The following PKHD1L1 variants were observed in gnomAD, a reference collection of about 807,000 sequenced individuals.
PKHD1L1 encodes PKHD1 like 1, also known as fibrocystin-L.
PKHD1L1 carries 434 observed loss-of-function variants against 462.9 expected under a neutral mutation model. The observed-to-expected ratio is 0.94, with a 90% confidence interval of 0.87 to 1.02. The LOEUF (loss-of-function observed/expected upper bound fraction) is 1.02, where lower values mean the gene tolerates loss of function less well. Among genes scored for constraint, PKHD1L1 ranks in the 50% least tolerant of loss-of-function variants. The pLI, the probability that PKHD1L1 is intolerant of heterozygous loss-of-function variation, is 0.00. For synonymous variants in PKHD1L1, 1,781 were observed against 1,750.0 expected, an observed-to-expected ratio of 1.02 and a Z score of -0.44; for missense variants, 5,202 against 5,096.1, an observed-to-expected ratio of 1.02 and a Z score of -0.63.
chr8:109,411,543 T>G (rs1813856650), intron 19 of PKHD1L1, among the ~76,000 whole-genome samples: 1 of 152,120 alleles, frequency 6.6e-6, no homozygotes, highest in African/African-American at 2.4e-5. Context: ...TACATGTAAT[T>G]TACCTCCTAC....
rs1314492939 is a variant in PKHD1L1, at chr8:109,456,285, A to G, written c.6898A>G (p.Thr2300Ala). 3 of 1,612,768 alleles carry G rather than the reference A, an allele frequency of 1.9e-6. No homozygotes were observed. Among genetic ancestry groups the G allele is most frequent in the Non-Finnish European group, 2.5e-6 (3 of 1,179,302 alleles). Residue 2300 changes from threonine to alanine, a missense_variant, in exon 46 of 78, where the codon ACT becomes GCT. Transcript: ENST00000378402. Reference sequence around the variant, plus strand: ...AGGTGTGCCTGTTCCTGTGACCTGGACTCGCTTGGCTCATACTGCAAAGGC... The same window carrying G: ...AGGTGTGCCTGTTCCTGTGACCTGGGCTCGCTTGGCTCATACTGCAAAGGC... ...LHGVPVPVTW[T>A]RLAHTAKAGE... is the part of the protein sequence containing the mutation.
chr8:109,491,342 C>T (rs1482566287), intron 61 of PKHD1L1, among the ~76,000 whole-genome samples: 4 of 151,726 alleles, frequency 2.6e-5, no homozygotes, highest in Admixed American at 2.0e-4. Context: ...TTTAATTGTA[C>T]TTAATATACA....
chr8:109,459,580 T>G lies in PKHD1L1; in HGVS notation c.7005-15T>G. ...TTATATTAATTTTAAAATTTTTTTG[T>G]CAAAATTTTTACAGACACAGTCAAG... On this transcript the variant is annotated splice_polypyrimidine_tract_variant and intron_variant, in intron 46 of 77. Transcript: ENST00000378402. 1 of 1,485,954 alleles carries G rather than the reference T, an allele frequency of 6.7e-7. No homozygotes were observed. The highest frequency in any genetic ancestry group is 9.0e-7 in the Non-Finnish European group (1 of 1,116,906). 92.0% of individuals were successfully genotyped at this position (1,485,954 alleles called of 1,614,324 possible).
At chr8:109,502,662 C>T (rs1005690352) in intron 67 of PKHD1L1, among the ~76,000 whole-genome samples, 1 of 152,170 alleles carries the variant, frequency 6.6e-6, no homozygotes, top group African/African-American at 2.4e-5. Context: ...ACCATAGTTT[C>T]CTTTTCTTTC....
rs1007108893 is a variant in PKHD1L1 at position 109,497,199 on chromosome 8, T to C, written c.10526T>C (p.Met3509Thr). ...IYNVTLVDNG[M>T]AIFPMIYMPA... Reference sequence around the variant, plus strand: ...AATGTGACCCTGGTTGACAATGGAATGGCCATTTTTCCAATGATTTACATG... The same window carrying C: ...AATGTGACCCTGGTTGACAATGGAACGGCCATTTTTCCAATGATTTACATG... The change falls in exon 65 of 78, where the codon ATG becomes ACG. Residue 3509 changes from methionine (M) to threonine (T), a missense_variant. Physicochemically the swap from Met to Thr is moderately conservative, Grantham distance 81. Transcript: ENST00000378402. The C allele has an allele frequency of 5.6e-6, 9 of 1,613,718 alleles. No individual in the cohort carries two copies. Among genetic ancestry groups the C allele is most frequent in the Non-Finnish European group, 6.8e-6 (8 of 1,179,694 alleles).
chr8:109,487,888 GAGAGGAAGGAAGGA>G (rs1165441678), intron 59 of PKHD1L1, among the ~76,000 whole-genome samples: 9 of 140,474 alleles, frequency 6.4e-5, no homozygotes, highest in African/African-American at 2.2e-4. Flanking sequence ...GAGAGAGAGA[GAGAGGAAGGAAGGA>G]AGGAAGGAAG....
intron 67 of PKHD1L1, 23 bp from the exon 68 acceptor site, chr8:109,504,304 C>T (rs72687049): frequency 0.052 from 68,851 of 1,314,542 alleles, 2,050 homozygotes; most frequent in Middle Eastern, 0.078. Context: ...AAAATAATCA[C>T]TTATCTATTA....
At chr8:109,456,558 G>T (rs1442088611) in intron 46 of PKHD1L1, among the ~76,000 whole-genome samples, 167 bp downstream of exon 46, 3 of 152,084 alleles carry the variant, frequency 2.0e-5, no homozygotes, top group African/African-American at 7.2e-5. Flanking sequence ...ACATTAGGTT[G>T]ATCACATTTG....
At chr8:109,414,356 A>G (rs1814016726) in intron 21 of PKHD1L1, among the ~76,000 whole-genome samples, 2 of 152,206 alleles carry the variant, frequency 1.3e-5, no homozygotes, top group Admixed American at 6.5e-5. Context: ...ACACATGTAT[A>G]CAGTCACGTA....
intron 44 of PKHD1L1, 92 bp from the exon 45 acceptor site, chr8:109,454,631 A>T: frequency 6.7e-7 from 1 of 1,500,088 alleles, no homozygotes; most frequent in Non-Finnish European, 9.0e-7. Flanking sequence ...CTCAAAAGAG[A>T]AGAGAGGATA....
intron 11 of PKHD1L1, 70 bp downstream of exon 11, chr8:109,396,207 T>C: frequency 9.4e-7 from 1 of 1,067,506 alleles, no homozygotes; most frequent in African/African-American, 1.6e-5. Context: ...TAATTTGTAA[T>C]AATAATAATA....
intron 56 of PKHD1L1, among the ~76,000 whole-genome samples, 180 bp from the exon 57 acceptor site, chr8:109,482,807 G>C (rs1818335645): frequency 6.6e-6 from 1 of 151,580 alleles, no homozygotes. Flanking sequence ...CAGATTTCCG[G>C]AAGTGGGTTA....
intron 23 of PKHD1L1, among the ~76,000 whole-genome samples, chr8:109,424,357 T>G (rs1814628806): frequency 6.6e-6 from 1 of 152,200 alleles, no homozygotes. Context: ...GAACAACTTT[T>G]GCATTATTTC....
chr8:109,370,875 A>C (rs1167693147), intron 2 of PKHD1L1, among the ~76,000 whole-genome samples: 1 of 152,192 alleles, frequency 6.6e-6, no homozygotes, highest in Non-Finnish European at 1.5e-5. Context: ...TCCATGGTGT[A>C]TATGTGCCAC....
At position 109,364,654 on chromosome 8, in the gene PKHD1L1, T is replaced by TTC. The variant is rs1203912081; in HGVS notation, c.163+19_163+20insCT. On this transcript the variant is annotated intron_variant, in intron 2 of 77. Transcript: ENST00000378402. ...AGGGGAAGGTATCGTTGCTTTTTTT[T>TTC]TTTTTTTTTTGCCAAGGTTGAGGTA... The TTC allele has an allele frequency of 6.8e-7, 1 of 1,471,674 alleles. No homozygotes were observed. The highest frequency in any genetic ancestry group is 9.1e-7 in the Non-Finnish European group (1 of 1,096,710). The allele number at this position is 1,471,674 out of a possible 1,614,324, so 91.2% of individuals were successfully genotyped here.
intron 67 of PKHD1L1, chr8:109,499,067 A>G (rs1819270531): frequency 6.2e-6 from 2 of 322,226 alleles, no homozygotes; most frequent in Non-Finnish European, 1.1e-5. Context: ...CTTTCATGTA[A>G]GTAGGATTAT....
chr8:109,452,423 A>AT (rs1563560459), intron 42 of PKHD1L1, 143 bp downstream of exon 42: 5 of 846,888 alleles, frequency 5.9e-6, no homozygotes, highest in Admixed American at 4.2e-5. Flanking sequence ...AGTAGCTTAC[A>AT]TTTTTTGTTG....
chr8:109,403,300 T>G (rs1432292649), intron 14 of PKHD1L1, among the ~76,000 whole-genome samples: 1 of 152,216 alleles, frequency 6.6e-6, no homozygotes, highest in African/African-American at 2.4e-5. Context: ...ACTCAAATAT[T>G]AAAAACATAG....
chr8:109,397,630 C>T (rs1000199897), intron 11 of PKHD1L1, among the ~76,000 whole-genome samples: 10 of 152,142 alleles, frequency 6.6e-5, no homozygotes, highest in African/African-American at 1.4e-4. Context: ...GTGGAGGCTA[C>T]GGTGAGCTAT....
Sources: gnomAD v4.1 joint callset for allele counts (sites outside exome capture counted in the v4.1 genomes callset) on GRCh38, gnomAD v4.1.1 for gene constraint, MANE v1.5 for transcripts, NCBI Gene and HGNC (gene_info 2026-07-23, HGNC 2026-07-21) for gene names.